CFAP65: variants seen among roughly 807,000 people sequenced by gnomAD.
CFAP65 encodes the protein cilia and flagella associated protein 65.
Under a neutral mutation model 208.0 loss-of-function variants are expected in CFAP65, and 155 were observed. The ratio of observed to expected loss-of-function variants is 0.75; its 90% CI spans 0.65 to 0.85. The LOEUF is 0.85. CFAP65 is among the 40% of genes least tolerant of loss of function. The pLI is 0.00. For missense variants in CFAP65, 2,294 were observed against 2,451.3 expected, an observed-to-expected ratio of 0.94 and a Z score of 1.36; for synonymous variants, 970 against 986.3, an observed-to-expected ratio of 0.98 and a Z score of 0.31.
intron 13 of CFAP65, chr2:219,027,445 T>G (rs1010403778): frequency 6.5e-7 from 1 of 1,529,636 alleles, no homozygotes; most frequent in South Asian, 1.2e-5. Flanking sequence ...GAGACTTACA[T>G]AAGAATGAGA....
rs1946429865 is a variant in CFAP65 at position 219,010,899 on chromosome 2, A to G, written c.4055T>C (p.Ile1352Thr). ...QVQEKNFDHPIFCCLNPKGEI... is the reference protein window; with the variant it reads ...QVQEKNFDHPTFCCLNPKGEI... ...CCCTTTGGGGTTGAGGCAGCAAAAG[A>G]TGGGGTGATCAAAATTTTTTTCCTG... is the stretch of plus-strand genomic sequence containing the variant. The change falls in exon 25 of 35, where the codon ATC becomes ACC. Residue 1352 changes from isoleucine to threonine, a missense_variant. Ile to Thr is a moderately conservative substitution (Grantham distance 89). This residue lies in a region of CFAP65 where 1,427 missense variants were observed against 1,438.7 expected (regional missense o/e 0.99). Coordinates refer to ENST00000341552, the MANE Select transcript of CFAP65 (RefSeq NM_194302.4). 6.2e-7 allele frequency: 1 copy of G among 1,613,878 alleles called. No homozygotes were observed.
rs1946410711 is a variant in CFAP65 at position 219,010,661 on chromosome 2, A to G, written c.4193T>C (p.Ile1398Thr). 1.2e-6 allele frequency: 2 copies of G among 1,610,686 alleles called. No homozygotes were observed. The highest frequency in any genetic ancestry group is 3.4e-5 in the Admixed American group (2 of 59,318). ...GTTGTAGCCCACTCCCTGGAAGTGGATGAGGGCCGAGTTCCATCCCAGGAT... is the reference window on the plus strand; with the variant it reads ...GTTGTAGCCCACTCCCTGGAAGTGGGTGAGGGCCGAGTTCCATCCCAGGAT... ...IHILGWNSALIHFQGVGYNPH... is the reference protein window; with the variant it reads ...IHILGWNSALTHFQGVGYNPH... Residue 1398 changes from isoleucine (I) to threonine (T), a missense_variant, in exon 26 of 35, where the codon ATC (isoleucine) becomes ACC (threonine). Coordinates refer to ENST00000341552, the MANE Select transcript of CFAP65 (RefSeq NM_194302.4).
At chr2:219,023,482 G>T in intron 15 of CFAP65, 51 bp from the exon 16 acceptor site, 2 of 1,333,612 alleles carry the variant, frequency 1.5e-6, no homozygotes, top group East Asian at 2.5e-5. Flanking sequence ...TGCAGTCCCA[G>T]CCCCCCACAA....
At position 219,032,587 on chromosome 2, in the gene CFAP65, C is replaced by T. The variant is rs750853010; in HGVS notation, c.543-15G>A. 4.8e-5 allele frequency: 75 copies of T among 1,576,338 alleles called. No individual in the cohort carries two copies. In the South Asian group the frequency reaches 4.8e-4, roughly 10 times the overall value. ...TCTTGGGGGGCCTGCAGGAGAGAGC[C>T]GGTGGGGAGCACCTCAGATCAGGGC... On this transcript the variant is annotated splice_polypyrimidine_tract_variant and intron_variant, in intron 5 of 34. Coordinates refer to ENST00000341552, the MANE Select transcript of CFAP65 (RefSeq NM_194302.4). This position sits in a 1 kb window ranked among gnomAD's most constrained non-coding sequence, Gnocchi z 5.5.
chr2:219,022,674 G>C (rs531891814), intron 16 of CFAP65, among the ~76,000 whole-genome samples: 1 of 152,342 alleles, frequency 6.6e-6, no homozygotes, highest in South Asian at 2.1e-4. Flanking sequence ...GTCCCCCCGA[G>C]GGGCTGTCCC....
Position 219,028,187 on chromosome 2 carries a change from G to A in CFAP65, c.1851+14C>T. 6.2e-7 allele frequency: 1 copy of A among 1,612,844 alleles called. No homozygotes were observed. Among genetic ancestry groups the A allele is most frequent in the Non-Finnish European group, 8.5e-7 (1 of 1,179,070 alleles). ...CACTAGAGAAGGGATATGCAGCTGGGGAGGGCACTGTACCTGGATGGGAAT... is the reference window on the plus strand; with the variant it reads ...CACTAGAGAAGGGATATGCAGCTGGAGAGGGCACTGTACCTGGATGGGAAT... On this transcript the variant is annotated intron_variant, in intron 12 of 34. Transcript: ENST00000341552.
At chr2:219,009,696 T>G (rs1574532095) in intron 27 of CFAP65, among the ~76,000 whole-genome samples, 2 of 55,988 alleles carry the variant, frequency 3.6e-5, no homozygotes, top group Non-Finnish European at 6.7e-5. Flanking sequence ...TGGGGTGGGA[T>G]GGGATGGAGT....
chr2:219,019,064 C>A lies in CFAP65; in HGVS notation c.3589G>T (p.Val1197Leu). ...TTCAAGCCATACCAGTCCAGGGACA[C>A]CACTCCGCTGTTCTTCAGGGCCAGG... Reference protein sequence around the residue: ...VFLALKNSGVVSLDWAFLLPS... With the variant: ...VFLALKNSGVLSLDWAFLLPS... Residue 1197 changes from valine (V) to leucine (L), a missense_variant, in exon 21 of 35, where the codon GTG becomes TTG. Physicochemically the swap from Val to Leu is conservative, Grantham distance 32. This residue lies in a region of CFAP65 where 1,427 missense variants were observed against 1,438.7 expected (regional missense o/e 0.99). Transcript: ENST00000341552. 6.2e-7 allele frequency: 1 copy of A among 1,614,234 alleles called. No homozygotes were observed. Among genetic ancestry groups the A allele is most frequent in the Non-Finnish European group, 8.5e-7 (1 of 1,180,020 alleles).
At chr2:219,038,603 G>A (rs1325301107) in intron 3 of CFAP65, 25 bp from the exon 4 acceptor site, 2 of 1,591,860 alleles carry the variant, frequency 1.3e-6, no homozygotes, top group Non-Finnish European at 8.6e-7. Context: ...GAGGGGAGAG[G>A]AGACAGGAGT....
At position 219,010,100 on chromosome 2, in the gene CFAP65, C is replaced by T. The variant is rs545089251; in HGVS notation, c.4309-15G>A. 13 of 1,570,392 alleles carry T rather than the reference C, an allele frequency of 8.3e-6. No homozygotes were observed. Among genetic ancestry groups the T allele is most frequent in the Admixed American group, 3.7e-5 (2 of 54,296 alleles). On this transcript the variant is annotated splice_polypyrimidine_tract_variant and intron_variant, in intron 26 of 34. Transcript: ENST00000341552. ...AGGAAGACATTCTGTGGGTGGAGAG[C>T]GGAGGTAAAGAAATAAGAACCGGCC...
chr2:219,003,726 T>C lies in CFAP65; in HGVS notation c.5555+226A>G, dbSNP rs1429708774. Among the ~76,000 whole-genome samples the C allele has an allele frequency of 3.3e-5, 5 of 152,080 alleles. No individual in the cohort carries two copies. The highest frequency in any genetic ancestry group is 4.1e-4 in the South Asian group (2 of 4,826). The stretch of plus-strand genomic sequence containing the variant: ...AGACTATAACAATTCTCCTGGTAAG[T>C]TGGTAAATGTCAACAACTAGTTCTT... On this transcript the variant is annotated intron_variant, in intron 33 of 34. Coordinates refer to ENST00000341552, the MANE Select transcript of CFAP65 (RefSeq NM_194302.4). This position sits in a 1 kb window ranked among gnomAD's most constrained non-coding sequence, Gnocchi z 4.4.
In CFAP65 at chr2:219,013,385, C is replaced by G. The variant is rs1394549112; in HGVS notation, c.3847-16G>C. 6.3e-7 allele frequency: 1 copy of G among 1,595,460 alleles called. No homozygotes were observed. The highest frequency in any genetic ancestry group is 2.2e-5 in the East Asian group (1 of 44,636). On this transcript the variant is annotated splice_polypyrimidine_tract_variant and intron_variant, in intron 23 of 34. Coordinates refer to ENST00000341552, the MANE Select transcript of CFAP65 (RefSeq NM_194302.4). Reference sequence around the variant, plus strand: ...TGAAATTTAGCTGGAAATAAAAGTTCCCCCGGAGGAACTGACACAGCCAGT... The same window carrying G: ...TGAAATTTAGCTGGAAATAAAAGTTGCCCCGGAGGAACTGACACAGCCAGT...
chr2:219,011,270 CTTTTTTT>C (rs528817484), intron 24 of CFAP65, among the ~76,000 whole-genome samples: 4 of 107,110 alleles, frequency 3.7e-5, no homozygotes, highest in East Asian at 2.7e-4. Flanking sequence ...CTTTTTCTTT[CTTTTTTT>C]TTTTTTTTTT....
intron 24 of CFAP65, among the ~76,000 whole-genome samples, chr2:219,012,507 C>T (rs1946554896): frequency 6.6e-6 from 1 of 152,222 alleles, no homozygotes; most frequent in African/African-American, 2.4e-5. Flanking sequence ...CATTCCTTGG[C>T]CTCTAGGGTG....
At chr2:219,020,139 C>T (rs1415759862) in intron 19 of CFAP65, among the ~76,000 whole-genome samples, 1 of 151,396 alleles carries the variant, frequency 6.6e-6, no homozygotes, top group African/African-American at 2.4e-5. Flanking sequence ...AAGCCTAGTA[C>T]CAATTAGCCA....
Position 219,003,637 on chromosome 2 carries a change from G to A in CFAP65, c.5555+315C>T, listed in dbSNP as rs545437647. On this transcript the variant is annotated intron_variant, in intron 33 of 34. Transcript: ENST00000341552. The surrounding 1 kb of genome is among the most constrained non-coding windows in gnomAD (Gnocchi z 4.4). ...ATCATCTGTAGGGCAGCCCCGGCGG[G>A]AAGTCCCACCTGCAAGACAGGTGGT... Among the ~76,000 whole-genome samples, 67 of 152,296 alleles carry A rather than the reference G, an allele frequency of 4.4e-4. No homozygotes were observed. The highest frequency in any genetic ancestry group is 1.5e-3 in the African/African-American group (64 of 41,558).
intron 12 of CFAP65, 59 bp downstream of exon 12, chr2:219,028,142 G>A (rs2106212114): frequency 2.5e-6 from 4 of 1,587,270 alleles, no homozygotes; most frequent in South Asian, 2.3e-5. Context: ...GACCCTGGGG[G>A]CATGGGATTG....
chr2:219,012,707 T>G (rs771975660), intron 24 of CFAP65, among the ~76,000 whole-genome samples: 4 of 152,270 alleles, frequency 2.6e-5, no homozygotes, highest in Non-Finnish European at 5.9e-5. Context: ...AGAATTCACA[T>G]TCTAGTTCTT....
intron 14 of CFAP65, among the ~76,000 whole-genome samples, chr2:219,025,584 C>T (rs1283941471): frequency 6.6e-6 from 1 of 152,090 alleles, no homozygotes; most frequent in Non-Finnish European, 1.5e-5. Flanking sequence ...ATTATGATCT[C>T]CTGAGGATGG....
Sources: allele counts gnomAD v4.1 joint callset (sites outside exome capture counted in the v4.1 genomes callset), GRCh38; gene constraint gnomAD v4.1.1; regional missense constraint gnomAD v4.1.1; non-coding constraint Gnocchi (gnomAD v3.1); transcripts MANE v1.5; gene names NCBI Gene and HGNC (gene_info 2026-07-23, HGNC 2026-07-21).